The following DLGAP1 variants were observed in gnomAD, a reference collection of about 807,000 sequenced individuals.
DLGAP1 encodes DLG associated protein 1, also known as disks large-associated protein 1.
In DLGAP1, 11 loss-of-function variants were observed where a neutral mutation model predicts 90.8. The ratio of observed to expected loss-of-function variants is 0.12; its 90% CI spans 0.08 to 0.20. The LOEUF is 0.20. Ranked by LOEUF, DLGAP1 falls within the 10% of genes least tolerant of loss-of-function variation. DLGAP1 has a pLI of 1.00. For synonymous variants in DLGAP1, 558 were observed against 540.7 expected (o/e 1.03, Z -0.44); for missense variants, 1,050 against 1,333.8 (o/e 0.79, Z 3.31).
intron 1 of DLGAP1, among the ~76,000 whole-genome samples, chr18:4,359,927 T>C (rs78030416): frequency 0.034 from 5,249 of 152,276 alleles, 149 homozygotes; most frequent in African/African-American, 0.076. Flanking sequence ...ACTGAAGGGA[T>C]TTATAAACCT....
chr18:4,010,712 G>A (rs1568350139), intron 2 of DLGAP1, among the ~76,000 whole-genome samples: 1 of 152,108 alleles, frequency 6.6e-6, no homozygotes, highest in Non-Finnish European at 1.5e-5. Context: ...TTGCTCGTTA[G>A]CTCCTCTATT....
intron 5 of DLGAP1, among the ~76,000 whole-genome samples, chr18:3,806,677 G>A (rs2066577469): frequency 6.6e-6 from 1 of 152,208 alleles, no homozygotes; most frequent in African/African-American, 2.4e-5. Context: ...AGACAGAAAA[G>A]ACGAAGGAAT....
At chr18:3,862,537 G>GAGC (rs2070136646) in intron 4 of DLGAP1, among the ~76,000 whole-genome samples, 2 of 152,264 alleles carry the variant, frequency 1.3e-5, no homozygotes, top group African/African-American at 4.8e-5. Flanking sequence ...AAACGCAGAG[G>GAGC]AGCCGACAGG....
chr18:4,231,868 A>C (rs73376908), intron 1 of DLGAP1, among the ~76,000 whole-genome samples: 1 of 152,150 alleles, frequency 6.6e-6, no homozygotes, highest in African/African-American at 2.4e-5. Context: ...AGATGCACAC[A>C]TTAGTAGGGA....
chr18:4,076,312 C>A (rs2075522307), intron 2 of DLGAP1, among the ~76,000 whole-genome samples: 1 of 152,148 alleles, frequency 6.6e-6, no homozygotes, highest in Admixed American at 6.6e-5. Context: ...AGAATAAAAG[C>A]TTCTTCTACC....
At chr18:4,003,975 A>G (rs16945853) in intron 3 of DLGAP1, among the ~76,000 whole-genome samples, 9,491 of 152,220 alleles carry the variant, frequency 0.062, 824 homozygotes, top group African/African-American at 0.19. Flanking sequence ...TAAGAGCTTA[A>G]CAGACTATAA....
intron 12 of DLGAP1, among the ~76,000 whole-genome samples, chr18:3,500,283 G>C (rs2049861735): frequency 6.6e-6 from 1 of 152,080 alleles, no homozygotes. Flanking sequence ...AAAAAATGCA[G>C]CAGGAAAGAA....
At chr18:4,250,254 A>G (rs930802151) in intron 1 of DLGAP1, among the ~76,000 whole-genome samples, 2 of 152,222 alleles carry the variant, frequency 1.3e-5, no homozygotes, top group Non-Finnish European at 2.9e-5. Context: ...TTATTAACCA[A>G]GAGGGCAAAA....
At chr18:4,321,206 T>C (rs1373132263) in intron 1 of DLGAP1, among the ~76,000 whole-genome samples, 1 of 152,210 alleles carries the variant, frequency 6.6e-6, no homozygotes, top group Non-Finnish European at 1.5e-5. Context: ...TTTATAAATA[T>C]GTAAGATTAA....
chr18:3,947,401 C>T (rs1424259754), intron 3 of DLGAP1, among the ~76,000 whole-genome samples: 1 of 152,154 alleles, frequency 6.6e-6, no homozygotes, highest in Non-Finnish European at 1.5e-5. Context: ...TCTACCTCTC[C>T]CTGTCCCCTC....
intron 2 of DLGAP1, among the ~76,000 whole-genome samples, chr18:4,067,419 A>G (rs1314876982): frequency 1.3e-5 from 2 of 152,020 alleles, no homozygotes; most frequent in African/African-American, 2.4e-5. Context: ...CACAATGGGA[A>G]GTGGGAGTTA....
intron 1 of DLGAP1, among the ~76,000 whole-genome samples, chr18:4,364,829 G>A (rs1311547396): frequency 6.6e-6 from 1 of 151,900 alleles, no homozygotes; most frequent in Non-Finnish European, 1.5e-5. Flanking sequence ...TGCCTTAGCT[G>A]TGTCCCAGTG....
intron 2 of DLGAP1, among the ~76,000 whole-genome samples, chr18:4,129,378 T>G (rs557221316): frequency 6.6e-6 from 1 of 152,286 alleles, no homozygotes; most frequent in South Asian, 2.1e-4. Context: ...TACACTATGG[T>G]AATGCAGTAT....
rs375293907 is a variant in DLGAP1, at chr18:3,919,856, G to C, written c.-72-39716C>G. 8.5e-4 allele frequency among the ~76,000 whole-genome samples: 129 copies of C among 152,294 alleles called. 3 individuals carry two copies. In the South Asian group the frequency reaches 0.018, roughly 21 times the overall value. On this transcript the variant is annotated intron_variant, in intron 3 of 12. Transcript: ENST00000315677. ...GCTGAACTTCAAATCTGTGCTCTCA[G>C]CCTGTAAGCTAAGAAAGGGACAAAG... is the stretch of plus-strand genomic sequence containing the variant.
rs374561124 is a variant in DLGAP1, at chr18:4,253,045, G to C, written c.-266-101758C>G. ...AATCCCTGGGAGAAGACAAACACAG[G>C]CAATTGCTGCAGTATGCGGTGTTAC... On this transcript the variant is annotated intron_variant, in intron 1 of 12. Coordinates refer to ENST00000315677, the MANE Select transcript of DLGAP1 (RefSeq NM_004746.4). Among the ~76,000 whole-genome samples, 3 of 152,198 alleles carry C rather than the reference G, an allele frequency of 2.0e-5. No individual in the cohort carries two copies. The East Asian group carries it at 5.8e-4, about 29-fold the overall frequency.
At chr18:4,424,747 T>C (rs1244976793) in intron 1 of DLGAP1, among the ~76,000 whole-genome samples, 1 of 152,162 alleles carries the variant, frequency 6.6e-6, no homozygotes, top group Non-Finnish European at 1.5e-5. Context: ...AGTACTTATT[T>C]CTTAGTCATG....
chr18:4,242,432 G>A (rs2078557846), intron 1 of DLGAP1, among the ~76,000 whole-genome samples: 1 of 152,028 alleles, frequency 6.6e-6, no homozygotes, highest in Non-Finnish European at 1.5e-5. Flanking sequence ...TGAAATGAAG[G>A]AGAACACAAG....
intron 1 of DLGAP1, chr18:4,275,523 CTTGT>C (rs1282103632): frequency 5.9e-5 from 9 of 151,926 alleles, no homozygotes. Flanking sequence ...CCATAATTTA[CTTGT>C]TTATTATGTA....
chr18:4,336,624 TTA>T (rs2081071947), intron 1 of DLGAP1, among the ~76,000 whole-genome samples: 1 of 152,208 alleles, frequency 6.6e-6, no homozygotes, highest in Admixed American at 6.5e-5. Flanking sequence ...GCATCTAATC[TTA>T]TCTCATGTAA....
Sources: gnomAD v4.1 joint callset for allele counts (sites outside exome capture counted in the v4.1 genomes callset) on GRCh38, gnomAD v4.1.1 for gene constraint, MANE v1.5 for transcripts, NCBI Gene and HGNC (gene_info 2026-07-23, HGNC 2026-07-21) for gene names.